SLIT3: variants seen among roughly 807,000 people sequenced by gnomAD.
SLIT3 encodes the protein slit guidance ligand 3, also known as slit homolog 3 protein.
A neutral mutation model predicts 184.0 loss-of-function variants in SLIT3; 68 were observed. The observed-to-expected ratio is 0.37, with a 90% CI of 0.30 to 0.45. The LOEUF is 0.45. Ranked by LOEUF, SLIT3 falls within the 20% of genes least tolerant of loss-of-function variation. The probability of loss-of-function intolerance (pLI) is 1.00; values close to 1 mark genes in which losing one functional copy is unlikely to be tolerated. For synonymous variants in SLIT3, 831 were observed against 828.6 expected (o/e 1.00, Z -0.05); for missense variants, 1,707 against 2,026.0 (o/e 0.84, Z 3.02).
chr5:169,077,471 G>A (rs1035444198), intron 4 of SLIT3, among the ~76,000 whole-genome samples: 31 of 151,348 alleles, frequency 2.0e-4, no homozygotes, highest in Middle Eastern at 3.4e-3. Flanking sequence ...CTCAGAGGGC[G>A]GAGGTTGCAG....
intron 4 of SLIT3, among the ~76,000 whole-genome samples, chr5:168,927,242 T>C (rs1761858470): frequency 6.6e-6 from 1 of 152,188 alleles, no homozygotes; most frequent in Non-Finnish European, 1.5e-5. Context: ...CTTGAGAACG[T>C]TATGCCAAGT....
At chr5:168,698,542 C>G (rs953889594) in intron 27 of SLIT3, among the ~76,000 whole-genome samples, 1 of 152,136 alleles carries the variant, frequency 6.6e-6, no homozygotes, top group Non-Finnish European at 1.5e-5. Context: ...GAGCATGGCC[C>G]TGCTGACACC....
At chr5:169,271,382 C>A (rs1310147137) in intron 1 of SLIT3, among the ~76,000 whole-genome samples, 1 of 152,304 alleles carries the variant, frequency 6.6e-6, no homozygotes. Flanking sequence ...TGCGATTACA[C>A]CTTGCTCCTG....
intron 4 of SLIT3, among the ~76,000 whole-genome samples, chr5:168,986,734 TG>T (rs1755145411): frequency 2.0e-5 from 3 of 152,206 alleles, no homozygotes; most frequent in Non-Finnish European, 2.9e-5. Context: ...AATGTGACCA[TG>T]GGTGAGTGAC....
At chr5:169,009,188 A>G (rs1240905713) in intron 4 of SLIT3, among the ~76,000 whole-genome samples, 1 of 152,188 alleles carries the variant, frequency 6.6e-6, no homozygotes, top group Non-Finnish European at 1.5e-5. Context: ...CTATTAAACT[A>G]GAAGATGGTT....
intron 4 of SLIT3, among the ~76,000 whole-genome samples, chr5:168,890,437 A>G (rs1243300911): frequency 1.3e-5 from 2 of 152,202 alleles, no homozygotes; most frequent in East Asian, 3.9e-4. Context: ...AGATATTATC[A>G]AGAATTGGGA....
intron 4 of SLIT3, chr5:169,022,692 G>C (rs567379952): frequency 1.3e-5 from 2 of 152,094 alleles, no homozygotes; most frequent in East Asian, 3.9e-4. Flanking sequence ...TGGTTTTTGC[G>C]GGGGGTAACA....
At chr5:169,093,933 T>C (rs561181147) in intron 4 of SLIT3, among the ~76,000 whole-genome samples, 15 of 152,330 alleles carry the variant, frequency 9.8e-5, no homozygotes, top group Non-Finnish European at 2.1e-4. Context: ...ATAGAAGTAA[T>C]ACCTTTCTCC....
At chr5:169,121,835 C>T (rs531939423) in intron 4 of SLIT3, among the ~76,000 whole-genome samples, 48 of 152,262 alleles carry the variant, frequency 3.2e-4, no homozygotes, top group African/African-American at 9.6e-4. Context: ...TGACAGTATC[C>T]AGGATAATGA....
chr5:168,752,280 T>C (rs570349990), intron 18 of SLIT3: 3 of 152,812 alleles, frequency 2.0e-5, no homozygotes, highest in African/African-American at 4.8e-5. Flanking sequence ...CACAGGGCCC[T>C]TGGACATGCC....
intron 4 of SLIT3, among the ~76,000 whole-genome samples, chr5:169,159,137 C>T (rs1031765136): frequency 8.6e-5 from 13 of 151,594 alleles, no homozygotes; most frequent in Admixed American, 2.6e-4. Flanking sequence ...GTAATCCCAG[C>T]GTTTTGGGAG....
intron 8 of SLIT3, among the ~76,000 whole-genome samples, chr5:168,812,577 C>G (rs941984808): frequency 6.6e-6 from 1 of 152,268 alleles, no homozygotes; most frequent in East Asian, 1.9e-4. Flanking sequence ...GTCAAAAGCT[C>G]CAATGGCCTT....
At chr5:168,874,264 G>A (rs12109694) in intron 5 of SLIT3, among the ~76,000 whole-genome samples, 3,338 of 152,194 alleles carry the variant, frequency 0.022, 121 homozygotes, top group African/African-American at 0.075. Flanking sequence ...AAAAACATCA[G>A]TGCTTCTCTG....
chr5:168,737,742 T>TA (rs1437278365), intron 20 of SLIT3, among the ~76,000 whole-genome samples: 1 of 152,178 alleles, frequency 6.6e-6, no homozygotes, highest in Non-Finnish European at 1.5e-5. Flanking sequence ...CTCTAACCGT[T>TA]ATGAAGATGT....
intron 12 of SLIT3, among the ~76,000 whole-genome samples, chr5:168,780,660 A>T (rs2113560838): frequency 6.6e-6 from 1 of 152,326 alleles, no homozygotes; most frequent in East Asian, 1.9e-4. Flanking sequence ...TGTACCCCTA[A>T]TTAAGCTACA....
At chr5:169,125,071 T>C (rs1470823029) in intron 4 of SLIT3, among the ~76,000 whole-genome samples, 1 of 152,146 alleles carries the variant, frequency 6.6e-6, no homozygotes, top group East Asian at 1.9e-4. Context: ...TTTTTTGAGA[T>C]GGAGTTTCAC....
In SLIT3 at chr5:169,144,880, T is replaced by G. The variant is rs147524290; in HGVS notation, c.413+48599A>C. ...AAAGAAGTAGCAAGACGGAAAATGT[T>G]GCCTGCCTGGGACGATGCATGCTCC... On this transcript the variant is annotated intron_variant, in intron 4 of 35. Transcript: ENST00000519560. Among the ~76,000 whole-genome samples the G allele has an allele frequency of 9.5e-4, 145 of 152,270 alleles. 5 individuals are homozygous for G. The highest frequency in any genetic ancestry group is 3.4e-3 in the African/African-American group (141 of 41,556).
intron 4 of SLIT3, among the ~76,000 whole-genome samples, chr5:169,147,047 G>C (rs1030123628): frequency 3.9e-5 from 6 of 152,124 alleles, no homozygotes; most frequent in African/African-American, 1.4e-4. Context: ...AATTGTTATT[G>C]TCTGTCATAC....
At position 168,933,271 on chromosome 5, in the gene SLIT3, C is replaced by T. The variant is rs114968321; in HGVS notation, c.414-49935G>A. Among the ~76,000 whole-genome samples, 1,461 of 151,372 alleles carry T rather than the reference C, an allele frequency of 9.7e-3. 19 individuals carry two copies. The highest frequency in any genetic ancestry group is 0.033 in the African/African-American group (1,378 of 41,256). ...TAAAACAGCCAGAGGAGGCTGGGCG[C>T]GGTGGCTCAAGCCTGTAATCCTGGC... On this transcript the variant is annotated intron_variant, in intron 4 of 35. Coordinates refer to ENST00000519560, the MANE Select transcript of SLIT3 (RefSeq NM_003062.4).
Sources: gnomAD v4.1 joint callset for allele counts (sites outside exome capture counted in the v4.1 genomes callset) on GRCh38, gnomAD v4.1.1 for gene constraint, MANE v1.5 for transcripts, NCBI Gene and HGNC (gene_info 2026-07-23, HGNC 2026-07-21) for gene names.